The following DENR variants were observed in gnomAD, a reference collection of about 807,000 sequenced individuals.
DENR encodes the protein density-regulated protein.
Under a neutral mutation model 30.6 loss-of-function variants are expected in DENR, and 6 were observed. The observed-to-expected ratio is 0.20, with a 90% CI of 0.11 to 0.39. The LOEUF (loss-of-function observed/expected upper bound fraction) is 0.39, where lower values mean the gene tolerates loss of function less well. Ranked by LOEUF, DENR falls within the 10% of genes least tolerant of loss-of-function variation. The pLI is 1.00. For missense variants in DENR, 141 were observed against 230.9 expected, an observed-to-expected ratio of 0.61 and a Z score of 2.52; for synonymous variants, 78 against 72.1, an observed-to-expected ratio of 1.08 and a Z score of -0.41.
intron 2 of DENR, among the ~76,000 whole-genome samples, chr12:122,761,219 C>T (rs573236319): frequency 3.6e-4 from 54 of 151,752 alleles, no homozygotes; most frequent in African/African-American, 1.3e-3. Context: ...TGAGACCAGT[C>T]TGGCCAACAT....
chr12:122,764,277 A>G (rs546006632), intron 4 of DENR, among the ~76,000 whole-genome samples: 6 of 152,268 alleles, frequency 3.9e-5, no homozygotes, highest in African/African-American at 9.6e-5. Flanking sequence ...GACTTGTTTC[A>G]GCAGCATCAC....
At chr12:122,767,003 C>G (rs1012208946) in intron 5 of DENR, among the ~76,000 whole-genome samples, 1 of 152,192 alleles carries the variant, frequency 6.6e-6, no homozygotes, top group Non-Finnish European at 1.5e-5. Flanking sequence ...CTTTTCTTAT[C>G]TCTGTACTTG....
chr12:122,752,996 A>T lies in DENR; in HGVS notation c.-10+46A>T, dbSNP rs1009835312. The T allele has an allele frequency of 4.6e-5, 7 of 152,448 alleles. No homozygotes were observed. The East Asian group carries it at 1.4e-3, about 29-fold the overall frequency. The allele number at this position is 152,448 out of a possible 1,614,324, so 9.4% of individuals were successfully genotyped here. A position where few individuals can be genotyped will look rare whatever the true frequency, so the allele number is the denominator to read the frequency against. ...TCCCGCTCCCGAGAAGCTCGTAGAGAGTGTGGGGGAAGCTGAGATGCTGCC... is the reference window on the plus strand; with the variant it reads ...TCCCGCTCCCGAGAAGCTCGTAGAGTGTGTGGGGGAAGCTGAGATGCTGCC... On this transcript the variant is annotated intron_variant, in intron 1 of 7. Coordinates refer to ENST00000280557, the MANE Select transcript of DENR (RefSeq NM_003677.5).
intron 5 of DENR, 39 bp downstream of exon 5, chr12:122,765,426 C>A: frequency 6.8e-7 from 1 of 1,477,582 alleles, no homozygotes; most frequent in Non-Finnish European, 9.2e-7. Context: ...TACAGTCATA[C>A]CGTCACTGCG....
In DENR at chr12:122,762,201, A is replaced by G; in HGVS notation, c.121A>G (p.Thr41Ala). The G allele has an allele frequency of 7.0e-7, 1 of 1,433,876 alleles. No individual in the cohort carries two copies. Among genetic ancestry groups the G allele is most frequent in the Non-Finnish European group, 9.5e-7 (1 of 1,055,770 alleles). 88.8% of individuals were successfully genotyped at this position (1,433,876 alleles called of 1,614,324 possible). A position where few individuals can be genotyped will look rare whatever the true frequency, so the allele number is the denominator to read the frequency against. ...VLYCGVCSLP[T>A]EYCEYMPDVA... is the part of the protein sequence containing the mutation. Reference sequence around the variant, plus strand: ...TACTTCCTCAGTCTGTTCATTACCAACAGAGGTAAGTTCTTTAATTTTTTT... The same window carrying G: ...TACTTCCTCAGTCTGTTCATTACCAGCAGAGGTAAGTTCTTTAATTTTTTT... The change falls in exon 3 of 8, where the codon ACA (threonine) becomes GCA (alanine). Residue 41 changes from threonine to alanine, a missense_variant. Thr to Ala is a moderately conservative substitution (Grantham distance 58). Around this residue, in one of 2 missense-constraint regions of DENR, gnomAD observed 104 missense variants for 138.3 expected, o/e 0.75. Transcript: ENST00000280557.
At position 122,756,791 on chromosome 12, in the gene DENR, T is replaced by C. The variant is rs575465497; in HGVS notation, c.106+2984T>C. Among the ~76,000 whole-genome samples the C allele has an allele frequency of 1.3e-4, 20 of 152,292 alleles. 1 individual carries two copies. In the South Asian group the frequency reaches 4.1e-3, roughly 32 times the overall value. ...TCTGGGGCACCTGATTTGTAGATAA[T>C]TGTAAGTCATTGAAAGTTTTGGAGC... On this transcript the variant is annotated intron_variant, in intron 2 of 7. Transcript: ENST00000280557.
At chr12:122,765,750 G>A (rs1214700568) in intron 5 of DENR, among the ~76,000 whole-genome samples, 1 of 152,150 alleles carries the variant, frequency 6.6e-6, no homozygotes, top group African/African-American at 2.4e-5. Flanking sequence ...GATTTGGGCT[G>A]TGTCAGTAAA....
At chr12:122,765,415 G>C (rs768354550) in intron 5 of DENR, 28 bp downstream of exon 5, 22 of 1,517,896 alleles carry the variant, frequency 1.4e-5, no homozygotes, top group Non-Finnish European at 2.0e-5. Context: ...ATCTTGATTT[G>C]TACAGTCATA....
intron 6 of DENR, 39 bp from the exon 7 acceptor site, chr12:122,768,743 C>T (rs1040721565): frequency 9.1e-5 from 135 of 1,486,928 alleles, no homozygotes; most frequent in Non-Finnish European, 1.2e-4. Context: ...TGCACAATTC[C>T]AATTACAGTT....
At chr12:122,757,525 A>ATATGT (rs1878581473) in intron 2 of DENR, among the ~76,000 whole-genome samples, 5 of 152,246 alleles carry the variant, frequency 3.3e-5, no homozygotes, top group Non-Finnish European at 7.3e-5. Flanking sequence ...TTAATCTTCA[A>ATATGT]AATTGAAATA....
Position 122,768,766 on chromosome 12 carries a change from T to G in DENR, c.413-16T>G. The G allele has an allele frequency of 6.5e-7, 1 of 1,529,496 alleles. No individual in the cohort carries two copies. Among genetic ancestry groups the G allele is most frequent in the Non-Finnish European group, 8.8e-7 (1 of 1,139,752 alleles). 94.7% of individuals were successfully genotyped at this position (1,529,496 alleles called of 1,614,324 possible). The stretch of plus-strand genomic sequence containing the variant: ...TCCAATTACAGTTCTTGCTCTTTCT[T>G]TTTTTAAAAAAATAGAAATTGATCT... On this transcript the variant is annotated splice_polypyrimidine_tract_variant and intron_variant, in intron 6 of 7. Transcript: ENST00000280557.
intron 2 of DENR, among the ~76,000 whole-genome samples, chr12:122,755,578 C>G (rs1027330899): frequency 1.3e-5 from 2 of 151,880 alleles, no homozygotes; most frequent in African/African-American, 4.8e-5. Flanking sequence ...GACCCCATCT[C>G]AAAAATAAAA....
chr12:122,764,555 G>C (rs113903550), intron 4 of DENR, among the ~76,000 whole-genome samples: 1 of 152,110 alleles, frequency 6.6e-6, no homozygotes, highest in South Asian at 2.1e-4. Context: ...AGCCGAGATC[G>C]CACCGCTGCA....
At chr12:122,753,894 C>G in intron 2 of DENR, 87 bp downstream of exon 2, 3 of 1,112,668 alleles carry the variant, frequency 2.7e-6, no homozygotes, top group Non-Finnish European at 4.0e-6. Context: ...AGCTTTCTTC[C>G]CCATCCTTTT....
intron 2 of DENR, chr12:122,754,057 G>T (rs1878484638): frequency 2.0e-6 from 1 of 512,040 alleles, no homozygotes; most frequent in African/African-American, 1.9e-5. Context: ...GGTTATTTCA[G>T]CCTGAAGGTC....
chr12:122,754,721 C>T (rs536882281), intron 2 of DENR, among the ~76,000 whole-genome samples: 1 of 152,034 alleles, frequency 6.6e-6, no homozygotes, highest in South Asian at 2.1e-4. Context: ...TACTTTTGCA[C>T]CAACCTAATC....
At chr12:122,766,996 T>G (rs1188135879) in intron 5 of DENR, among the ~76,000 whole-genome samples, 1 of 152,176 alleles carries the variant, frequency 6.6e-6, no homozygotes, top group Non-Finnish European at 1.5e-5. Context: ...ATAACGCCTT[T>G]TCTTATCTCT....
Position 122,769,165 on chromosome 12 carries a change from T to G in DENR, c.*87T>G. 1 of 1,166,326 alleles carries G rather than the reference T, an allele frequency of 8.6e-7. No homozygotes were observed. Among genetic ancestry groups the G allele is most frequent in the Non-Finnish European group, 1.1e-6 (1 of 882,124 alleles). 72.2% of individuals were successfully genotyped at this position (1,166,326 alleles called of 1,614,324 possible). On this transcript the variant is annotated 3_prime_UTR_variant, in exon 8 of 8. Coordinates refer to ENST00000280557, the MANE Select transcript of DENR (RefSeq NM_003677.5). ...AGGCCTTTTAAAATATATATATATA[T>G]ACACATATATATGTATATATACACA...
Position 122,762,171 on chromosome 12 carries a change from C to A in DENR, c.107-16C>A. ...AGGTTTAACATTTCAAATCTTTTTT[C>A]TTTTTACTTCCTCAGTCTGTTCATT... is the stretch of plus-strand genomic sequence containing the variant. On this transcript the variant is annotated splice_polypyrimidine_tract_variant and intron_variant, in intron 2 of 7. Transcript: ENST00000280557. 1.4e-6 allele frequency: 2 copies of A among 1,409,088 alleles called. No individual in the cohort carries two copies. The highest frequency in any genetic ancestry group is 1.3e-5 in the South Asian group (1 of 74,602). The allele number at this position is 1,409,088 out of a possible 1,614,324, so 87.3% of individuals were successfully genotyped here. A position where few individuals can be genotyped will look rare whatever the true frequency, so the allele number is the denominator to read the frequency against.
Sources: allele counts gnomAD v4.1 joint callset (sites outside exome capture counted in the v4.1 genomes callset), GRCh38; gene constraint gnomAD v4.1.1; regional missense constraint gnomAD v4.1.1; transcripts MANE v1.5; gene names NCBI Gene and HGNC (gene_info 2026-07-23, HGNC 2026-07-21).